The following PIK3C2G variants were observed in gnomAD, a reference collection of about 807,000 sequenced individuals.
The protein encoded by PIK3C2G is phosphatidylinositol 3-kinase C2 domain-containing subunit gamma.
PIK3C2G carries 168 observed loss-of-function variants against 181.1 expected under a neutral mutation model. That is an observed-to-expected ratio of 0.93 (90% CI 0.82 to 1.05). PIK3C2G has a LOEUF of 1.05. PIK3C2G is among the 50% of genes least tolerant of loss of function. PIK3C2G has a pLI of 0.00. For synonymous variants in PIK3C2G, 573 were observed against 592.2 expected (o/e 0.97, Z 0.47); for missense variants, 1,869 against 1,732.8 (o/e 1.08, Z -1.40).
intron 4 of PIK3C2G, among the ~76,000 whole-genome samples, 172 bp downstream of exon 4, chr12:18,291,184 G>A (rs556833780): frequency 1.3e-5 from 2 of 152,276 alleles, no homozygotes; most frequent in South Asian, 2.1e-4. Flanking sequence ...AGGGAGGAAA[G>A]CAAAACTATT....
intron 7 of PIK3C2G, 50 bp downstream of exon 7, chr12:18,321,082 A>G (rs1015384016): frequency 6.4e-6 from 6 of 941,766 alleles, no homozygotes; most frequent in Non-Finnish European, 1.0e-5. Context: ...TGAGTTCTCA[A>G]ATGTCAAATC....
At chr12:18,388,507 T>A (rs1339714979) in intron 14 of PIK3C2G, among the ~76,000 whole-genome samples, 2 of 152,114 alleles carry the variant, frequency 1.3e-5, no homozygotes, top group African/African-American at 4.8e-5. Flanking sequence ...ACTCCTAACC[T>A]CAAGTGATCT....
chr12:18,696,696 C>T, the PIK3C2G span, among the ~76,000 whole-genome samples: 1,324 of 152,072 alleles, frequency 8.7e-3, 21 homozygotes, highest in African/African-American at 0.03. Context: ...ATATGGAAGT[C>T]ACACAAAGCT....
chr12:18,325,189 CAAAAATGAATA>C, intron 8 of PIK3C2G, 91 bp downstream of exon 8: 1 of 581,080 alleles, frequency 1.7e-6, no homozygotes. Flanking sequence ...TTGAAGATGA[CAAAAATGAATA>C]AAACAGAGGA....
rs61091763 is a variant in PIK3C2G, at chr12:18,621,505, G to A, written c.4182+11876G>A. ...TGACTTCTGTCCAGTTGATAACTTC[G>A]TCAAGTCAAAGATTAAATATGTATA... On this transcript the variant is annotated intron_variant, in intron 31 of 32. Transcript: ENST00000538779. 7.3e-4 allele frequency among the ~76,000 whole-genome samples: 111 copies of A among 151,646 alleles called. No homozygotes were observed. In the East Asian group the frequency reaches 0.012, roughly 16 times the overall value.
intron 26 of PIK3C2G, among the ~76,000 whole-genome samples, chr12:18,557,566 T>G (rs187298745): frequency 1.3e-5 from 2 of 152,230 alleles, no homozygotes; most frequent in East Asian, 3.9e-4. Context: ...GTTTTTCCTT[T>G]GTAATCAGGA....
chr12:18,444,710 C>T lies in PIK3C2G; in HGVS notation c.2504+20671C>T, dbSNP rs116059136. ...CTTCAGTGGGATTGAACTGATTTGA[C>T]GTTTTATCTAACATAAACTGGATAC... On this transcript the variant is annotated intron_variant, in intron 18 of 32. Transcript: ENST00000538779. 7.2e-3 allele frequency among the ~76,000 whole-genome samples: 1,090 copies of T among 152,054 alleles called. 14 individuals are homozygous for T. Among genetic ancestry groups the T allele is most frequent in the African/African-American group, 0.025 (1,053 of 41,500 alleles).
At chr12:18,532,624 C>A (rs2136221557) in intron 24 of PIK3C2G, among the ~76,000 whole-genome samples, 1 of 152,188 alleles carries the variant, frequency 6.6e-6, no homozygotes, top group Non-Finnish European at 1.5e-5. Flanking sequence ...ATCAGTTGGG[C>A]ATGTATTTGT....
intron 30 of PIK3C2G, among the ~76,000 whole-genome samples, chr12:18,598,190 A>T (rs1415649685): frequency 3.9e-5 from 6 of 151,972 alleles, no homozygotes; most frequent in Non-Finnish European, 7.3e-5. Context: ...CGCGTTGCCA[A>T]GTCAATCCTA....
intron 18 of PIK3C2G, among the ~76,000 whole-genome samples, chr12:18,436,341 T>C (rs1386613410): frequency 1.3e-5 from 2 of 152,106 alleles, no homozygotes; most frequent in Non-Finnish European, 2.9e-5. Flanking sequence ...CATGAACCCA[T>C]CATATGACCA....
chr12:18,713,965 T>C, the PIK3C2G span: 1 of 152,224 alleles, frequency 6.6e-6, no homozygotes, highest in Non-Finnish European at 1.5e-5. Flanking sequence ...TATTAGCACA[T>C]ATGCTTTTAT....
intron 31 of PIK3C2G, among the ~76,000 whole-genome samples, chr12:18,627,275 T>A (rs1949145479): frequency 6.6e-6 from 1 of 152,126 alleles, no homozygotes; most frequent in South Asian, 2.1e-4. Flanking sequence ...GTTCAAGTAC[T>A]GTTTTCCAAA....
intron 18 of PIK3C2G, among the ~76,000 whole-genome samples, chr12:18,474,137 T>A (rs1326697702): frequency 2.6e-5 from 4 of 152,108 alleles, no homozygotes; most frequent in Non-Finnish European, 4.4e-5. Context: ...ATTCACTAGG[T>A]ACTGTTCTAA....
chr12:18,399,944 T>G, intron 16 of PIK3C2G, 97 bp downstream of exon 16: 1 of 627,678 alleles, frequency 1.6e-6, no homozygotes, highest in Non-Finnish European at 2.4e-6. Flanking sequence ...CTATTCTGTT[T>G]GTTCTCAATT....
chr12:18,379,371 G>A (rs1337057903), intron 13 of PIK3C2G, among the ~76,000 whole-genome samples: 12 of 111,516 alleles, frequency 1.1e-4, no homozygotes, highest in Non-Finnish European at 2.1e-4. Context: ...TCATGGGGTG[G>A]GGGGAGGGGG....
At chr12:18,497,807 A>T in intron 22 of PIK3C2G, 59 bp downstream of exon 22, 1 of 1,338,966 alleles carries the variant, frequency 7.5e-7, no homozygotes, top group South Asian at 1.7e-5. Context: ...ATTCACTAGT[A>T]ATAGGCTACG....
At chr12:18,682,570 A>G in the PIK3C2G span, among the ~76,000 whole-genome samples, 22 of 152,078 alleles carry the variant, frequency 1.4e-4, no homozygotes, top group Non-Finnish European at 2.6e-4. Context: ...TTGAAAGTAT[A>G]TTTAGTATAG....
At chr12:18,250,657 T>G (rs1948087218) in intron 1 of PIK3C2G, among the ~76,000 whole-genome samples, 3 of 151,994 alleles carry the variant, frequency 2.0e-5, no homozygotes, top group African/African-American at 7.2e-5. Flanking sequence ...CATTTTAAAA[T>G]CACCATTTTC....
intron 3 of PIK3C2G, among the ~76,000 whole-genome samples, chr12:18,287,267 C>A (rs1949487063): frequency 6.6e-6 from 1 of 152,010 alleles, no homozygotes; most frequent in African/African-American, 2.4e-5. Flanking sequence ...GGCTAACCCC[C>A]AAATTAACAC....
Sources: gnomAD v4.1 joint callset for allele counts (sites outside exome capture counted in the v4.1 genomes callset) on GRCh38, gnomAD v4.1.1 for gene constraint, MANE v1.5 for transcripts, NCBI Gene and HGNC (gene_info 2026-07-23, HGNC 2026-07-21) for gene names.